Variants in TAFA2 observed in about 807,000 individuals in gnomAD.
TAFA2 encodes chemokine-like protein TAFA-2.
Under a neutral mutation model 18.8 loss-of-function variants are expected in TAFA2, and 7 were observed. That is an observed-to-expected ratio of 0.37 (90% CI 0.21 to 0.70). The LOEUF (loss-of-function observed/expected upper bound fraction) is 0.70. Ranked by LOEUF, TAFA2 falls within the 30% of genes least tolerant of loss-of-function variation. The pLI is 0.53. For synonymous variants in TAFA2, 60 were observed against 54.2 expected (o/e 1.11, Z -0.47); for missense variants, 122 against 158.1 (o/e 0.77, Z 1.23).
intron 2 of TAFA2, among the ~76,000 whole-genome samples, chr12:61,860,224 T>C (rs1240068055): frequency 6.6e-6 from 1 of 152,250 alleles, no homozygotes. Context: ...ATTTCTCTTC[T>C]GGGTATTTTT....
chr12:61,830,849 G>A (rs564314470), intron 2 of TAFA2, among the ~76,000 whole-genome samples: 7 of 151,726 alleles, frequency 4.6e-5, no homozygotes, highest in East Asian at 1.9e-4. Flanking sequence ...ATTTCACTTC[G>A]GCCTTGGTTC....
intron 1 of TAFA2, among the ~76,000 whole-genome samples, chr12:61,883,186 T>C (rs1405199058): frequency 1.3e-5 from 2 of 152,194 alleles, no homozygotes; most frequent in Non-Finnish European, 2.9e-5. Flanking sequence ...AAAAAATTCA[T>C]CTTTCAGCTA....
At chr12:62,056,862 G>A (rs1307288222) in intron 1 of TAFA2, among the ~76,000 whole-genome samples, 1 of 152,166 alleles carries the variant, frequency 6.6e-6, no homozygotes, top group Non-Finnish European at 1.5e-5. Context: ...AAAAAGATGG[G>A]GGCCCGAAGG....
chr12:61,849,668 G>A (rs1271687409), intron 2 of TAFA2, among the ~76,000 whole-genome samples: 2 of 152,130 alleles, frequency 1.3e-5, no homozygotes, highest in Non-Finnish European at 2.9e-5. Flanking sequence ...TTGTCAAACA[G>A]TACGTTTTAG....
chr12:62,109,472 T>C (rs1048034811), intron 1 of TAFA2, among the ~76,000 whole-genome samples: 2 of 152,214 alleles, frequency 1.3e-5, no homozygotes, highest in African/African-American at 4.8e-5. Flanking sequence ...GGCTCTTTTT[T>C]GGTTTCACAT....
At chr12:61,934,393 C>G (rs1877680883) in intron 1 of TAFA2, among the ~76,000 whole-genome samples, 1 of 152,152 alleles carries the variant, frequency 6.6e-6, no homozygotes, top group African/African-American at 2.4e-5. Context: ...GGAAATAAAG[C>G]CTAATCTTCA....
chr12:61,853,742 G>A (rs1488186300), intron 2 of TAFA2, among the ~76,000 whole-genome samples: 1 of 152,138 alleles, frequency 6.6e-6, no homozygotes, highest in African/African-American at 2.4e-5. Flanking sequence ...TTTTTTGTTT[G>A]ATTGGAGGGT....
chr12:62,119,206 A>T (rs1274772770), intron 1 of TAFA2, among the ~76,000 whole-genome samples: 2 of 152,146 alleles, frequency 1.3e-5, no homozygotes, highest in Non-Finnish European at 2.9e-5. Context: ...GGAAATTATT[A>T]TTACATTATT....
At chr12:62,122,218 A>G (rs1406879363) in intron 1 of TAFA2, among the ~76,000 whole-genome samples, 1 of 152,222 alleles carries the variant, frequency 6.6e-6, no homozygotes, top group Non-Finnish European at 1.5e-5. Context: ...CCCTGAACTT[A>G]TAAGTTTTTT....
rs753177922 is a variant in TAFA2, at chr12:61,726,291, TG to T, written c.385-15875del. On this transcript the variant is annotated intron_variant, in intron 4 of 4. Transcript: ENST00000416284. ...ATGAAGAATGATGGTGGTATTTAGATGGGAATGCATTGAATTTGTAGATTGC... is the reference window on the plus strand; with the variant it reads ...ATGAAGAATGATGGTGGTATTTAGATGGAATGCATTGAATTTGTAGATTGC... Among the ~76,000 whole-genome samples, 6 of 152,116 alleles carry T rather than the reference TG, an allele frequency of 3.9e-5. No individual in the cohort carries two copies. In the East Asian group the frequency reaches 7.7e-4, roughly 20 times the overall value.
intron 1 of TAFA2, among the ~76,000 whole-genome samples, chr12:62,075,728 C>A (rs1449812369): frequency 6.6e-6 from 1 of 152,054 alleles, no homozygotes; most frequent in East Asian, 1.9e-4. Context: ...GGTCAATTAC[C>A]AGTAAGGGTT....
At chr12:61,895,091 A>T (rs1424996841) in intron 1 of TAFA2, among the ~76,000 whole-genome samples, 1 of 152,182 alleles carries the variant, frequency 6.6e-6, no homozygotes, top group Non-Finnish European at 1.5e-5. Context: ...CAAGGGCGTT[A>T]TGTACTTTCA....
chr12:62,044,982 T>A, intron 1 of TAFA2, among the ~76,000 whole-genome samples: 1 of 152,064 alleles, frequency 6.6e-6, no homozygotes, highest in East Asian at 1.9e-4. Context: ...GCCTGACATT[T>A]TAAGGCCCTG....
At chr12:61,910,110 G>C (rs1307346110) in intron 1 of TAFA2, among the ~76,000 whole-genome samples, 2 of 142,692 alleles carry the variant, frequency 1.4e-5, no homozygotes, top group African/African-American at 5.4e-5. Context: ...TTGTGTGTGT[G>C]TGTGTGTGTG....
At chr12:61,739,276 T>G (rs534760264) in intron 4 of TAFA2, among the ~76,000 whole-genome samples, 3 of 152,046 alleles carry the variant, frequency 2.0e-5, no homozygotes, top group African/African-American at 7.2e-5. Context: ...AACTGTGCAA[T>G]GTTGAGGTAA....
At chr12:61,763,739 G>A (rs1361002479) in intron 2 of TAFA2, among the ~76,000 whole-genome samples, 2 of 151,938 alleles carry the variant, frequency 1.3e-5, no homozygotes, top group African/African-American at 4.8e-5. Flanking sequence ...TCACGGTAAA[G>A]AGGGATGGAG....
At chr12:61,736,258 T>C (rs1592354616) in intron 4 of TAFA2, among the ~76,000 whole-genome samples, 1 of 152,036 alleles carries the variant, frequency 6.6e-6, no homozygotes, top group East Asian at 1.9e-4. Context: ...TCCTAAATTC[T>C]GGACAAGTAA....
rs982990254 is a variant in TAFA2 at position 61,809,835 on chromosome 12, C to G, written c.107-54811G>C. On this transcript the variant is annotated intron_variant, in intron 2 of 4. Transcript: ENST00000416284. ...GTCCTTCTCAGCTTTAACAGCCACC[C>G]CTAACATCGAAAGGGAAATCTCAAT... Among the ~76,000 whole-genome samples the G allele has an allele frequency of 2.0e-5, 3 of 151,206 alleles. No homozygotes were observed. The South Asian group carries it at 6.2e-4, about 31-fold the overall frequency.
chr12:61,892,665 C>T (rs370243741), intron 1 of TAFA2, among the ~76,000 whole-genome samples: 6 of 152,022 alleles, frequency 3.9e-5, no homozygotes, highest in East Asian at 3.9e-4. Context: ...GGAAAAACTC[C>T]GTCTCTACTA....
Sources: gnomAD v4.1 joint callset for allele counts (sites outside exome capture counted in the v4.1 genomes callset) on GRCh38, gnomAD v4.1.1 for gene constraint, MANE v1.5 for transcripts, NCBI Gene and HGNC (gene_info 2026-07-23, HGNC 2026-07-21) for gene names.